ZSWIM5: variants seen among roughly 807,000 people sequenced by gnomAD.
ZSWIM5 encodes the protein zinc finger SWIM domain-containing protein 5.
In ZSWIM5, 55 loss-of-function variants were observed where a neutral mutation model predicts 119.6. The ratio of observed to expected loss-of-function variants is 0.46; its 90% CI spans 0.37 to 0.58. The LOEUF (loss-of-function observed/expected upper bound fraction) is 0.58, where lower values mean the gene tolerates loss of function less well. ZSWIM5 is among the 20% of genes least tolerant of loss of function. The pLI is 0.00. For missense variants in ZSWIM5, 1,193 were observed against 1,512.8 expected, an observed-to-expected ratio of 0.79 and a Z score of 3.51; for synonymous variants, 537 against 606.9, an observed-to-expected ratio of 0.88 and a Z score of 1.69.
rs34236930 is a variant in ZSWIM5 at position 45,196,034 on chromosome 1, G to GTTTTTTT, written c.595+9715_595+9721dup. 2.4e-3 allele frequency among the ~76,000 whole-genome samples: 251 copies of GTTTTTTT among 103,940 alleles called. 9 individuals are homozygous for GTTTTTTT. Among genetic ancestry groups the GTTTTTTT allele is most frequent in the Non-Finnish European group, 4.3e-3 (221 of 50,954 alleles). The allele number at this position is 103,940 out of a possible 152,430, so 68.2% of individuals were successfully genotyped here. Reference sequence around the variant, plus strand: ...AGGTGAGCACCGTTACACCCAGCTAGTTTTTTTTTTTTTTTTTTTTTTTTA... The same window carrying GTTTTTTT: ...AGGTGAGCACCGTTACACCCAGCTAGTTTTTTTTTTTTTTTTTTTTTTTTTTTTTTTA... On this transcript the variant is annotated intron_variant, in intron 1 of 13. Coordinates refer to ENST00000359600, the MANE Select transcript of ZSWIM5 (RefSeq NM_020883.2).
chr1:45,180,025 T>C (rs2149048368), intron 1 of ZSWIM5, among the ~76,000 whole-genome samples: 1 of 152,280 alleles, frequency 6.6e-6, no homozygotes, highest in Middle Eastern at 3.4e-3. Flanking sequence ...GGGTGATTTC[T>C]GCATTTCCAT....
intron 1 of ZSWIM5, among the ~76,000 whole-genome samples, chr1:45,141,128 T>C (rs1359672554): frequency 6.6e-6 from 1 of 152,166 alleles, no homozygotes; most frequent in Non-Finnish European, 1.5e-5. Flanking sequence ...GTGATGGCAG[T>C]GAAAGCAGCA....
At chr1:45,176,788 A>G (rs1184830631) in intron 1 of ZSWIM5, among the ~76,000 whole-genome samples, 1 of 151,360 alleles carries the variant, frequency 6.6e-6, no homozygotes, top group Non-Finnish European at 1.5e-5. Flanking sequence ...CTGAACACTA[A>G]CACCCTATGG....
At chr1:45,196,854 C>T (rs1646128872) in intron 1 of ZSWIM5, among the ~76,000 whole-genome samples, 1 of 152,096 alleles carries the variant, frequency 6.6e-6, no homozygotes, top group African/African-American at 2.4e-5. Context: ...TTTCTCACAC[C>T]TACAAACCTG....
chr1:45,122,420 T>C (rs76301254), intron 1 of ZSWIM5, among the ~76,000 whole-genome samples: 3,136 of 152,272 alleles, frequency 0.021, 115 homozygotes, highest in African/African-American at 0.072. Context: ...ATAACAGCCA[T>C]TAGTAACTTC....
intron 4 of ZSWIM5, among the ~76,000 whole-genome samples, chr1:45,054,338 T>C (rs955631739): frequency 2.6e-5 from 4 of 151,950 alleles, no homozygotes; most frequent in Non-Finnish European, 5.9e-5. Flanking sequence ...GTCCCAGCAC[T>C]TTGGGAGGCC....
intron 11 of ZSWIM5, among the ~76,000 whole-genome samples, chr1:45,022,136 T>TA (rs1357319896): frequency 1.3e-5 from 2 of 150,592 alleles, no homozygotes; most frequent in African/African-American, 4.9e-5. Flanking sequence ...TTTATTTTAT[T>TA]TTATTTTTTT....
At position 45,206,523 on chromosome 1, in the gene ZSWIM5, G is replaced by A. The variant is rs1304223181; in HGVS notation, c.-173C>T. 13 of 1,052,544 alleles carry A rather than the reference G, an allele frequency of 1.2e-5. No homozygotes were observed. The highest frequency in any genetic ancestry group is 1.5e-5 in the Non-Finnish European group (13 of 875,690). 65.2% of individuals were successfully genotyped at this position (1,052,544 alleles called of 1,614,324 possible). A position where few individuals can be genotyped will look rare whatever the true frequency, so the allele number is the denominator to read the frequency against. On this transcript the variant is annotated 5_prime_UTR_variant, in exon 1 of 14. Transcript: ENST00000359600. ...TGGGGAACCGCGGCCGGGCCCGGGA[G>A]CGCGCCGCGAGGGCAGACGCGGGCG...
intron 5 of ZSWIM5, among the ~76,000 whole-genome samples, chr1:45,045,232 T>C (rs1645047226): frequency 6.6e-6 from 1 of 151,942 alleles, no homozygotes; most frequent in African/African-American, 2.4e-5. Flanking sequence ...TTTAAGGTAA[T>C]AAGAAACCAT....
chr1:45,096,977 A>T (rs1358446888), intron 1 of ZSWIM5, among the ~76,000 whole-genome samples: 4 of 152,314 alleles, frequency 2.6e-5, no homozygotes, highest in South Asian at 2.1e-4. Context: ...GGAAAGATTT[A>T]AAAATGTATC....
chr1:45,044,822 A>AATATATATATATAAAT (rs1557746662), intron 5 of ZSWIM5, among the ~76,000 whole-genome samples: 243 of 1,246 alleles, frequency 0.2, 8 homozygotes, highest in Non-Finnish European at 0.28. Flanking sequence ...TATATATATA[A>AATATATATATATAAAT]ATATATATAT....
At chr1:45,021,857 T>TA (rs968419967) in intron 11 of ZSWIM5, among the ~76,000 whole-genome samples, 18 of 151,438 alleles carry the variant, frequency 1.2e-4, no homozygotes, top group Non-Finnish European at 2.4e-4. Flanking sequence ...CCGTCTCTAC[T>TA]AAAAAAATAC....
At chr1:45,066,752 G>A (rs1645186495) in intron 2 of ZSWIM5, among the ~76,000 whole-genome samples, 1 of 152,176 alleles carries the variant, frequency 6.6e-6, no homozygotes, top group Non-Finnish European at 1.5e-5. Flanking sequence ...CTGAAGGATG[G>A]TGGTGTGAAG....
chr1:45,082,950 G>A (rs1344353664), intron 2 of ZSWIM5, among the ~76,000 whole-genome samples: 1 of 152,124 alleles, frequency 6.6e-6, no homozygotes, highest in Admixed American at 6.5e-5. Context: ...AATTCTGGGG[G>A]AAAAGATAGT....
intron 4 of ZSWIM5, among the ~76,000 whole-genome samples, chr1:45,053,127 C>CAAA (rs60199581): frequency 1.6e-5 from 2 of 122,162 alleles, no homozygotes; most frequent in Admixed American, 8.6e-5. Flanking sequence ...CCGTCTCAAA[C>CAAA]AAAAAAAAAA....
intron 1 of ZSWIM5, among the ~76,000 whole-genome samples, chr1:45,187,941 T>C (rs1301243341): frequency 6.6e-6 from 1 of 152,040 alleles, no homozygotes; most frequent in African/African-American, 2.4e-5. Context: ...ATAAATAAGA[T>C]AGATAATAAC....
intron 1 of ZSWIM5, among the ~76,000 whole-genome samples, chr1:45,094,079 C>T (rs925717195): frequency 7.4e-5 from 11 of 147,952 alleles, no homozygotes; most frequent in Admixed American, 1.4e-4. Flanking sequence ...ATTTTTGAGA[C>T]GGAGTCTTAC....
At chr1:45,068,085 ATTTTTCTTTTTT>A (rs2149003381) in intron 2 of ZSWIM5, among the ~76,000 whole-genome samples, 1 of 133,226 alleles carries the variant, frequency 7.5e-6, no homozygotes, top group African/African-American at 2.8e-5. Flanking sequence ...TAAGGAAGCA[ATTTTTCTTTTTT>A]TTTTTTTTTC....
intron 1 of ZSWIM5, among the ~76,000 whole-genome samples, chr1:45,150,398 G>A (rs1336351154): frequency 6.6e-6 from 1 of 152,112 alleles, no homozygotes; most frequent in Non-Finnish European, 1.5e-5. Context: ...CTAGTAGTAT[G>A]TAAAATGGTG....
Sources: allele counts gnomAD v4.1 joint callset (sites outside exome capture counted in the v4.1 genomes callset), GRCh38; gene constraint gnomAD v4.1.1; transcripts MANE v1.5; gene names NCBI Gene and HGNC (gene_info 2026-07-23, HGNC 2026-07-21).